SCOC: variants seen among roughly 807,000 people sequenced by gnomAD.
SCOC encodes short coiled coil protein.
In SCOC, 7 loss-of-function variants were observed where a neutral mutation model predicts 9.9. That is an observed-to-expected ratio of 0.71 (90% confidence interval 0.40 to 1.33). The LOEUF (loss-of-function observed/expected upper bound fraction) is 1.33, where lower values mean the gene tolerates loss of function less well. SCOC is among the 40% of genes most tolerant of loss of function. The probability of loss-of-function intolerance (pLI) is 0.01; values close to 1 mark genes in which losing one functional copy is unlikely to be tolerated. For missense variants in SCOC, 66 were observed against 89.7 expected (o/e 0.74, Z 1.07); for synonymous variants, 19 against 28.2 (o/e 0.67, Z 1.03).
rs551690919 is a variant in SCOC at position 140,359,538 on chromosome 4, G to A, written c.70+15830G>A. Among the ~76,000 whole-genome samples the A allele has an allele frequency of 2.0e-5, 3 of 152,244 alleles. No homozygotes were observed. In the East Asian group the frequency reaches 5.8e-4, roughly 29 times the overall value. ...CTGTTCAGCTTCAAGGGGAAGGAAC[G>A]TAGGAGAGGATGTCTGTGAGGGCAT... On this transcript the variant is annotated intron_variant, in intron 2 of 4. Coordinates refer to the SCOC transcript ENST00000338517.
intron 1 of SCOC, among the ~76,000 whole-genome samples, chr4:140,318,150 A>T (rs1374822453): frequency 1.0e-3 from 153 of 150,722 alleles, no homozygotes; most frequent in Non-Finnish European, 2.7e-4. Flanking sequence ...AGGCATTACC[A>T]TTCAGGACAT....
intron 3 of SCOC, among the ~76,000 whole-genome samples, chr4:140,380,198 T>C (rs1052824497): frequency 3.4e-4 from 47 of 138,658 alleles, no homozygotes; most frequent in African/African-American, 8.8e-4. Flanking sequence ...CTTTTTCTTT[T>C]TTTTTTTTTT....
intron 1 of SCOC, among the ~76,000 whole-genome samples, chr4:140,296,801 A>G (rs1002515548): frequency 6.6e-6 from 1 of 152,052 alleles, no homozygotes; most frequent in Non-Finnish European, 1.5e-5. Flanking sequence ...ATAATTCACT[A>G]TCCCTGAACA....
At chr4:140,325,460 T>A (rs187569988) in intron 1 of SCOC, among the ~76,000 whole-genome samples, 1 of 152,212 alleles carries the variant, frequency 6.6e-6, no homozygotes, top group African/African-American at 2.4e-5. Flanking sequence ...ATATAATATG[T>A]CTCTCTCTAT....
At chr4:140,280,678 A>G (rs1215201961) in intron 1 of SCOC, among the ~76,000 whole-genome samples, 1 of 152,234 alleles carries the variant, frequency 6.6e-6, no homozygotes, top group Admixed American at 6.5e-5. Context: ...TCCTAAAAAG[A>G]GCTAATTAAG....
At chr4:140,330,124 T>C (rs927805724) in intron 1 of SCOC, among the ~76,000 whole-genome samples, 1 of 152,104 alleles carries the variant, frequency 6.6e-6, no homozygotes, top group Non-Finnish European at 1.5e-5. Context: ...TACTCAGTCA[T>C]AAAAAGAAAT....
chr4:140,278,801 C>T (rs1009110619), intron 1 of SCOC, among the ~76,000 whole-genome samples: 1 of 152,202 alleles, frequency 6.6e-6, no homozygotes, highest in African/African-American at 2.4e-5. Flanking sequence ...TGCCATACCT[C>T]CGGCCCAAAT....
At chr4:140,257,679 C>T (rs1484867088) in intron 1 of SCOC, among the ~76,000 whole-genome samples, 1 of 152,180 alleles carries the variant, frequency 6.6e-6, no homozygotes, top group African/African-American at 2.4e-5. Flanking sequence ...TAATAGCTCT[C>T]ATAAGTTCAT....
In SCOC at chr4:140,358,058, C is replaced by T. The variant is rs143235868; in HGVS notation, c.70+14350C>T. ...TGCACTCCTAATCCCTTTGCTTTCT[C>T]GCCCTGGTCTCAGGGCCTGACCTTT... is the stretch of plus-strand genomic sequence containing the variant. On this transcript the variant is annotated intron_variant, in intron 2 of 4. Coordinates refer to the SCOC transcript ENST00000338517. 7.7e-4 allele frequency among the ~76,000 whole-genome samples: 117 copies of T among 152,244 alleles called. 2 individuals carry two copies. The highest frequency in any genetic ancestry group is 2.6e-3 in the African/African-American group (106 of 41,556).
intron 1 of SCOC, among the ~76,000 whole-genome samples, chr4:140,336,643 G>A (rs1261596110): frequency 6.6e-6 from 1 of 152,080 alleles, no homozygotes; most frequent in Admixed American, 6.6e-5. Flanking sequence ...GGGCATTTGG[G>A]TTTTTTCTAC....
chr4:140,340,808 T>A (rs10026387), upstream of SCOC, among the ~76,000 whole-genome samples: 4 of 111,814 alleles, frequency 3.6e-5, no homozygotes, highest in Non-Finnish European at 5.4e-5. Context: ...TTTTTTTTTT[T>A]AGAGGGATAG....
rs563404530 is a variant in SCOC at position 140,276,562 on chromosome 4, C to A, written c.-19+19152C>A. Among the ~76,000 whole-genome samples the A allele has an allele frequency of 3.9e-5, 6 of 152,186 alleles. No individual in the cohort carries two copies. In the South Asian group the frequency reaches 1.2e-3, roughly 32 times the overall value. On this transcript the variant is annotated intron_variant, in intron 1 of 4. Transcript: ENST00000394205. ...CACTGCCTCGGGGGTTCAAGCAATT[C>A]TCTCTGCGTCAGCCTCCTAACTAGC...
At chr4:140,373,845 C>T in intron 1 of SCOC, 128 bp downstream of exon 1, 1 of 1,028,190 alleles carries the variant, frequency 9.7e-7, no homozygotes, top group Non-Finnish European at 1.4e-6. Context: ...CCGGGAGGAG[C>T]GGTCTCGGGC....
chr4:140,302,906 GA>G lies in SCOC; in HGVS notation c.-18-40706del, dbSNP rs200007316. On this transcript the variant is annotated intron_variant, in intron 1 of 4. Coordinates refer to the SCOC transcript ENST00000394205. The stretch of plus-strand genomic sequence containing the variant: ...TATTCAAGGGCGGTTTCTTTTATAA[GA>G]AAAAAAAAGTAAATGAAATGCTCAA... 6.7e-5 allele frequency among the ~76,000 whole-genome samples: 10 copies of G among 150,022 alleles called. No individual in the cohort carries two copies. The East Asian group carries it at 1.7e-3, about 26-fold the overall frequency.
At chr4:140,356,720 G>A (rs529012684) in intron 2 of SCOC, among the ~76,000 whole-genome samples, 8 of 152,102 alleles carry the variant, frequency 5.3e-5, no homozygotes, top group Non-Finnish European at 1.2e-4. Context: ...CCCTTTACCA[G>A]TGAGGTTAAC....
Position 140,380,959 on chromosome 4 carries a change from T to C in SCOC, c.107-3T>C, listed in dbSNP as rs562973751. 23 of 1,550,146 alleles carry C rather than the reference T, an allele frequency of 1.5e-5. 1 individual carries two copies. The South Asian group carries it at 2.6e-4, about 18-fold the overall frequency. On this transcript the variant is annotated splice_region_variant and splice_polypyrimidine_tract_variant and intron_variant, in intron 3 of 3. Transcript: ENST00000608372. ...ATAATGGGCATTTTTATTTTTTATA[T>C]AGATCTCTCTGCAAGAGTAGATGCA...
rs764745072 is a variant in SCOC, at chr4:140,379,677, T to C, written c.106+25T>C. Reference sequence around the variant, plus strand: ...GGTTGGCTTGCATTTTGTAGTTTATTTGAATGACAGCCAATTAATTGAACT... The same window carrying C: ...GGTTGGCTTGCATTTTGTAGTTTATCTGAATGACAGCCAATTAATTGAACT... On this transcript the variant is annotated intron_variant, in intron 3 of 3. Transcript: ENST00000608372. 5.3e-6 allele frequency: 8 copies of C among 1,507,378 alleles called. No individual in the cohort carries two copies. In the Admixed American group the frequency reaches 1.3e-4, roughly 25 times the overall value. 93.4% of individuals were successfully genotyped at this position (1,507,378 alleles called of 1,614,324 possible). A position where few individuals can be genotyped will look rare whatever the true frequency, so the allele number is the denominator to read the frequency against.
At chr4:140,291,490 C>T (rs1333988923) in intron 1 of SCOC, 1 of 457,278 alleles carries the variant, frequency 2.2e-6, no homozygotes, top group Admixed American at 2.3e-5. Context: ...GATCCATATG[C>T]CATTCTGCAG....
intron 2 of SCOC, among the ~76,000 whole-genome samples, chr4:140,362,186 C>CCCA (rs1560720297): frequency 6.6e-6 from 1 of 151,080 alleles, no homozygotes; most frequent in South Asian, 2.1e-4. Context: ...TGCTTCACTG[C>CCCA]GATGAGTGTT....
Sources: allele counts gnomAD v4.1 joint callset (sites outside exome capture counted in the v4.1 genomes callset), GRCh38; gene constraint gnomAD v4.1.1; transcripts MANE v1.5; gene names NCBI Gene and HGNC (gene_info 2026-07-23, HGNC 2026-07-21).